FRYL: variants seen among roughly 807,000 people sequenced by gnomAD.
FRYL encodes FRY like transcription coactivator, also known as protein furry homolog-like.
A neutral mutation model predicts 351.2 loss-of-function variants in FRYL; 150 were observed. The ratio of observed to expected loss-of-function variants is 0.43; its 90% CI spans 0.37 to 0.49. The LOEUF is 0.49. FRYL is among the 20% of genes least tolerant of loss of function. FRYL has a pLI of 0.00. For synonymous variants in FRYL, 1,153 were observed against 1,257.1 expected, an observed-to-expected ratio of 0.92 and a Z score of 1.75; for missense variants, 3,036 against 3,619.3, an observed-to-expected ratio of 0.84 and a Z score of 4.13.
rs531627018 is a variant in FRYL at position 48,723,531 on chromosome 4, T to C, written c.-383-12833A>G. 2.0e-4 allele frequency among the ~76,000 whole-genome samples: 30 copies of C among 152,314 alleles called. No homozygotes were observed. In the South Asian group the frequency reaches 6.2e-3, roughly 32 times the overall value. On this transcript the variant is annotated intron_variant, in intron 1 of 63. Transcript: ENST00000358350. ...TAAATAATACCATCCTTATTTTAGT[T>C]GCTAATGCCAAAAACCTAGCAGTCA...
At position 48,554,510 on chromosome 4, in the gene FRYL, C is replaced by T. The variant is rs374028056; in HGVS notation, c.4267-1127G>A. On this transcript the variant is annotated intron_variant, in intron 35 of 63. Transcript: ENST00000358350. ...CCTGCCGCCACACCCAGATAATTTT[C>T]GTAGTTTTAGTACAGATGGGGTTTC... Among the ~76,000 whole-genome samples, 5 of 152,138 alleles carry T rather than the reference C, an allele frequency of 3.3e-5. No homozygotes were observed. The South Asian group carries it at 1.0e-3, about 32-fold the overall frequency.
At chr4:48,577,236 T>C (rs568635057) in intron 23 of FRYL, among the ~76,000 whole-genome samples, 21 of 152,332 alleles carry the variant, frequency 1.4e-4, no homozygotes, top group African/African-American at 4.6e-4. Flanking sequence ...TCTTGAAAGA[T>C]TACATCAATA....
Position 48,606,518 on chromosome 4 carries a change from T to C in FRYL, c.661A>G (p.Ser221Gly). 1 of 1,613,146 alleles carries C rather than the reference T, an allele frequency of 6.2e-7. No individual in the cohort carries two copies. The highest frequency in any genetic ancestry group is 8.5e-7 in the Non-Finnish European group (1 of 1,179,214). Residue 221 changes from serine (S) to glycine (G), a missense_variant, in exon 10 of 64, where the codon AGC (serine) becomes GGC (glycine). Physicochemically the swap from Ser to Gly is moderately conservative, Grantham distance 56. This residue lies in a region of FRYL where 457 missense variants were observed against 566.6 expected (regional missense o/e 0.81). Coordinates refer to ENST00000358350, the MANE Select transcript of FRYL (RefSeq NM_015030.2). ...QSPHVVQSVISLIMGMKFFRV... is the reference protein window; with the variant it reads ...QSPHVVQSVIGLIMGMKFFRV... ...AAAAATTTCATTCCCATTATTAAGC[T>C]GATGACACTTTGTACCACATGTGGG...
At chr4:48,749,747 C>A (rs1773056387) in intron 1 of FRYL, among the ~76,000 whole-genome samples, 1 of 152,164 alleles carries the variant, frequency 6.6e-6, no homozygotes, top group Non-Finnish European at 1.5e-5. Context: ...TCCCTGATGG[C>A]AAGCCGTGTT....
At chr4:48,768,021 G>A (rs973276122) in intron 1 of FRYL, among the ~76,000 whole-genome samples, 2 of 152,102 alleles carry the variant, frequency 1.3e-5, no homozygotes, top group African/African-American at 2.4e-5. Context: ...CTAATAATTC[G>A]GTAAGCACCT....
chr4:48,570,768 AAG>A, intron 27 of FRYL, 57 bp downstream of exon 27: 1 of 1,254,178 alleles, frequency 8.0e-7, no homozygotes, highest in South Asian at 1.2e-5. Context: ...CATGAGCGAA[AAG>A]AGATTACGTT....
intron 28 of FRYL, 53 bp from the exon 29 acceptor site, chr4:48,565,744 C>T (rs1282847392): frequency 4.0e-6 from 6 of 1,516,806 alleles, no homozygotes; most frequent in Middle Eastern, 1.7e-4. Context: ...TTTGCTTTAA[C>T]TTTTATACCA....
At chr4:48,697,309 A>AAAT (rs758876288) in intron 2 of FRYL, among the ~76,000 whole-genome samples, 3 of 152,136 alleles carry the variant, frequency 2.0e-5, no homozygotes, top group Non-Finnish European at 4.4e-5. Context: ...AAAAATCTAG[A>AAAT]ATTTTACCAA....
intron 1 of FRYL, among the ~76,000 whole-genome samples, chr4:48,756,989 T>C (rs1393715266): frequency 6.6e-6 from 1 of 152,056 alleles, no homozygotes; most frequent in African/African-American, 2.4e-5. Flanking sequence ...ACATTTAAGG[T>C]TGTCTAGTTC....
intron 1 of FRYL, among the ~76,000 whole-genome samples, chr4:48,712,026 A>G (rs963925327): frequency 5.3e-5 from 8 of 152,174 alleles, no homozygotes; most frequent in Non-Finnish European, 7.3e-5. Context: ...TAGAAGGAAA[A>G]CTAACAAACA....
At chr4:48,643,303 A>C (rs1440885156) in intron 3 of FRYL, among the ~76,000 whole-genome samples, 1 of 152,186 alleles carries the variant, frequency 6.6e-6, no homozygotes, top group Non-Finnish European at 1.5e-5. Flanking sequence ...TGAGATGATG[A>C]GAAAAGACAA....
At chr4:48,526,037 G>A (rs1185273931) in intron 53 of FRYL, among the ~76,000 whole-genome samples, 2 of 151,074 alleles carry the variant, frequency 1.3e-5, no homozygotes, top group East Asian at 3.9e-4. Context: ...TATATTAGTA[G>A]TACATGTATA....
chr4:48,735,971 T>TAA (rs71191254), intron 1 of FRYL, among the ~76,000 whole-genome samples: 2 of 100,730 alleles, frequency 2.0e-5, no homozygotes, highest in African/African-American at 3.6e-5. Flanking sequence ...TAGAGTATAA[T>TAA]AAAAAAAAAA....
chr4:48,667,045 T>A (rs1188818916), intron 3 of FRYL, among the ~76,000 whole-genome samples: 1 of 152,238 alleles, frequency 6.6e-6, no homozygotes, highest in African/African-American at 2.4e-5. Flanking sequence ...CTGATTGCCA[T>A]CTTTCTGCAA....
chr4:48,519,363 G>T (rs1299744195), intron 55 of FRYL, among the ~76,000 whole-genome samples: 1 of 152,050 alleles, frequency 6.6e-6, no homozygotes, highest in Non-Finnish European at 1.5e-5. Context: ...CCTCTGCCTG[G>T]AATGTCCCAG....
intron 31 of FRYL, among the ~76,000 whole-genome samples, chr4:48,563,536 C>T (rs1736000016): frequency 6.6e-6 from 1 of 151,816 alleles, no homozygotes; most frequent in Non-Finnish European, 1.5e-5. Flanking sequence ...GTAGTGAGAC[C>T]TCGTCGCTAC....
intron 33 of FRYL, among the ~76,000 whole-genome samples, chr4:48,558,993 A>G (rs1027554077): frequency 2.0e-5 from 3 of 152,090 alleles, no homozygotes; most frequent in African/African-American, 7.2e-5. Context: ...CTGGAATTGC[A>G]CAACCCTGGG....
At chr4:48,708,654 G>A (rs1024937313) in intron 2 of FRYL, among the ~76,000 whole-genome samples, 9 of 152,148 alleles carry the variant, frequency 5.9e-5, no homozygotes, top group East Asian at 1.9e-4. Flanking sequence ...ATGCAGTGGC[G>A]CAATCATAGC....
At chr4:48,655,628 C>A (rs1388701696) in intron 3 of FRYL, among the ~76,000 whole-genome samples, 1 of 147,208 alleles carries the variant, frequency 6.8e-6, no homozygotes. Flanking sequence ...CCAATTTAGA[C>A]CCAAACAAAT....
Sources: allele counts gnomAD v4.1 joint callset (sites outside exome capture counted in the v4.1 genomes callset), GRCh38; gene constraint gnomAD v4.1.1; regional missense constraint gnomAD v4.1.1; transcripts MANE v1.5; gene names NCBI Gene and HGNC (gene_info 2026-07-23, HGNC 2026-07-21).